Variants in SGCZ observed in about 807,000 individuals in gnomAD.
SGCZ encodes zeta-sarcoglycan.
SGCZ carries 40 observed loss-of-function variants against 41.3 expected under a neutral mutation model. The ratio of observed to expected loss-of-function variants is 0.97; its 90% CI spans 0.75 to 1.26. SGCZ has a LOEUF of 1.26. Ranked by LOEUF, SGCZ falls within the 50% of genes most tolerant of loss-of-function variation. The pLI is 0.00. For synonymous variants in SGCZ, 206 were observed against 137.5 expected (o/e 1.50, Z -3.49); for missense variants, 552 against 369.8 (o/e 1.49, Z -4.04).
intron 1 of SGCZ, among the ~76,000 whole-genome samples, chr8:14,666,350 C>A (rs1002644419): frequency 5.9e-5 from 9 of 152,306 alleles, no homozygotes; most frequent in Non-Finnish European, 5.9e-5. Context: ...GCAAAACTCA[C>A]ATGCAAGGTC....
chr8:14,729,714 T>C (rs1810169711), intron 1 of SGCZ, among the ~76,000 whole-genome samples: 1 of 152,210 alleles, frequency 6.6e-6, no homozygotes, highest in Admixed American at 6.5e-5. Flanking sequence ...TAGAAATTTA[T>C]TATGGCAGCA....
chr8:14,757,301 A>C (rs2130341172), intron 1 of SGCZ, among the ~76,000 whole-genome samples: 1 of 152,292 alleles, frequency 6.6e-6, no homozygotes, highest in South Asian at 2.1e-4. Context: ...CATCCGCCTC[A>C]GCCTCCCAAA....
At chr8:14,246,456 G>A (rs1157373556) in intron 3 of SGCZ, among the ~76,000 whole-genome samples, 1 of 151,890 alleles carries the variant, frequency 6.6e-6, no homozygotes, top group Admixed American at 6.6e-5. Context: ...TGGGGTGGGG[G>A]GAGCGGGGAG....
chr8:14,671,591 A>G (rs749490428), intron 1 of SGCZ, among the ~76,000 whole-genome samples: 7 of 152,140 alleles, frequency 4.6e-5, no homozygotes, highest in Non-Finnish European at 1.0e-4. Context: ...AGGTGAGAAA[A>G]GGGCAAGAAT....
At chr8:14,313,023 T>G (rs1801598836) in intron 3 of SGCZ, among the ~76,000 whole-genome samples, 1 of 152,174 alleles carries the variant, frequency 6.6e-6, no homozygotes, top group Non-Finnish European at 1.5e-5. Context: ...GGATCAAAGC[T>G]TGACAGACCT....
intron 3 of SGCZ, among the ~76,000 whole-genome samples, chr8:14,255,594 C>A (rs914158908): frequency 3.9e-5 from 6 of 151,964 alleles, no homozygotes; most frequent in African/African-American, 1.2e-4. Context: ...AAGATAATTA[C>A]AATTAAAAAT....
intron 1 of SGCZ, among the ~76,000 whole-genome samples, chr8:14,676,382 G>C (rs1419298817): frequency 1.3e-5 from 2 of 148,938 alleles, no homozygotes; most frequent in Non-Finnish European, 3.0e-5. Context: ...CTCCAGCCCT[G>C]ATGGCATATG....
intron 2 of SGCZ, among the ~76,000 whole-genome samples, chr8:14,553,309 G>T (rs1271825706): frequency 6.6e-6 from 1 of 152,004 alleles, no homozygotes; most frequent in African/African-American, 2.4e-5. Flanking sequence ...AATCTCATAA[G>T]GGAGAATGTA....
intron 1 of SGCZ, among the ~76,000 whole-genome samples, chr8:14,635,619 C>G (rs1463060929): frequency 6.6e-6 from 1 of 151,730 alleles, no homozygotes. Flanking sequence ...CATATTCTCT[C>G]TTCATCCCAA....
At chr8:15,131,388 C>T (rs570066310) in intron 1 of SGCZ, among the ~76,000 whole-genome samples, 10 of 152,256 alleles carry the variant, frequency 6.6e-5, no homozygotes, top group East Asian at 3.9e-4. Context: ...TCACTTTCTA[C>T]GATGATTGTG....
chr8:15,043,595 T>C (rs901092250), intron 1 of SGCZ, among the ~76,000 whole-genome samples: 3 of 152,050 alleles, frequency 2.0e-5, no homozygotes, highest in East Asian at 1.9e-4. Context: ...CTTGTGAAAA[T>C]AGTATAAAAT....
intron 2 of SGCZ, among the ~76,000 whole-genome samples, chr8:14,340,137 T>A (rs1802651694): frequency 6.6e-6 from 1 of 152,140 alleles, no homozygotes; most frequent in African/African-American, 2.4e-5. Flanking sequence ...GTTGTTTCAA[T>A]TCTGTTTTTT....
intron 1 of SGCZ, among the ~76,000 whole-genome samples, chr8:14,823,470 T>C (rs776535960): frequency 6.6e-6 from 1 of 152,116 alleles, no homozygotes; most frequent in Non-Finnish European, 1.5e-5. Flanking sequence ...CCAACAGATA[T>C]GAAAAAATGC....
intron 3 of SGCZ, among the ~76,000 whole-genome samples, chr8:14,318,780 C>T (rs1360046588): frequency 6.6e-6 from 1 of 151,954 alleles, no homozygotes; most frequent in African/African-American, 2.4e-5. Context: ...AAGAGCTAGA[C>T]AGTAACTCAT....
intron 2 of SGCZ, among the ~76,000 whole-genome samples, chr8:14,420,046 T>C (rs554662062): frequency 6.6e-6 from 1 of 152,214 alleles, no homozygotes; most frequent in South Asian, 2.1e-4. Flanking sequence ...TTCCAGTATC[T>C]CCACTGTACA....
At chr8:14,313,910 CTGTGTGTGTGTGTGTGTGTG>C (rs34489718) in intron 3 of SGCZ, among the ~76,000 whole-genome samples, 8 of 144,804 alleles carry the variant, frequency 5.5e-5, no homozygotes, top group South Asian at 2.3e-4. Context: ...TATCATCTCT[CTGTGTGTGTGTGTGTGTGTG>C]TGTGTGTGTG....
At chr8:14,223,860 A>G (rs781707630) in intron 4 of SGCZ, among the ~76,000 whole-genome samples, 10 of 152,248 alleles carry the variant, frequency 6.6e-5, no homozygotes, top group Non-Finnish European at 1.5e-4. Flanking sequence ...GGAAATGAAT[A>G]TTAGTATTAC....
chr8:14,800,242 C>T lies in SGCZ; in HGVS notation c.40-245316G>A, dbSNP rs1801279669. Among the ~76,000 whole-genome samples, 3 of 152,134 alleles carry T rather than the reference C, an allele frequency of 2.0e-5. No homozygotes were observed. In the South Asian group the frequency reaches 6.2e-4, roughly 32 times the overall value. Reference sequence around the variant, plus strand: ...ACATGTGTTTAGGAAAAATCAGGTACATTAATTTTAAATACCAAAAAGACA... The same window carrying T: ...ACATGTGTTTAGGAAAAATCAGGTATATTAATTTTAAATACCAAAAAGACA... On this transcript the variant is annotated intron_variant, in intron 1 of 7. Transcript: ENST00000382080.
chr8:14,565,704 A>T (rs1804338487), intron 1 of SGCZ, among the ~76,000 whole-genome samples: 1 of 152,210 alleles, frequency 6.6e-6, no homozygotes, highest in South Asian at 2.1e-4. Context: ...AACATATTTG[A>T]AAAACAATGG....
Sources: allele counts gnomAD v4.1 joint callset (sites outside exome capture counted in the v4.1 genomes callset), GRCh38; gene constraint gnomAD v4.1.1; transcripts MANE v1.5; gene names NCBI Gene and HGNC (gene_info 2026-07-23, HGNC 2026-07-21).